PHACTR4: variants seen among roughly 807,000 people sequenced by gnomAD.
The protein encoded by PHACTR4 is protein phosphatase 1, regulatory subunit 124.
PHACTR4 carries 51 observed loss-of-function variants against 72.7 expected under a neutral mutation model. The ratio of observed to expected loss-of-function variants is 0.70; its 90% CI spans 0.56 to 0.89. PHACTR4 has a LOEUF of 0.89. PHACTR4 is among the 40% of genes least tolerant of loss of function. The pLI is 0.00. For synonymous variants in PHACTR4, 255 were observed against 302.5 expected (o/e 0.84, Z 1.63); for missense variants, 731 against 861.8 (o/e 0.85, Z 1.90).
chr1:28,448,064 T>G (rs1244446288), intron 2 of PHACTR4, among the ~76,000 whole-genome samples: 1 of 152,232 alleles, frequency 6.6e-6, no homozygotes, highest in Non-Finnish European at 1.5e-5. Context: ...ATGTTCTACG[T>G]TTACAATGTT....
At chr1:28,462,660 C>G (rs1315096160) in intron 4 of PHACTR4, among the ~76,000 whole-genome samples, 1 of 151,790 alleles carries the variant, frequency 6.6e-6, no homozygotes, top group East Asian at 1.9e-4. Context: ...GCCACCACGC[C>G]TGATGATCTT....
In PHACTR4 at chr1:28,426,859, A is replaced by C. The variant is rs988655092; in HGVS notation, c.16+19396A>C. ...CTGGACTGCACCTGGCCGTGGAAGA[A>C]TTCTGAGTGGGCTTTAAAAATCCTT... On this transcript the variant is annotated intron_variant, in intron 2 of 13. Coordinates refer to ENST00000373839, the MANE Select transcript of PHACTR4 (RefSeq NM_001048183.3). Among the ~76,000 whole-genome samples the C allele has an allele frequency of 4.6e-5, 7 of 152,224 alleles. No homozygotes were observed. In the East Asian group the frequency reaches 1.4e-3, roughly 29 times the overall value.
chr1:28,411,233 G>C (rs539600009), intron 2 of PHACTR4, among the ~76,000 whole-genome samples: 1 of 151,882 alleles, frequency 6.6e-6, no homozygotes, highest in African/African-American at 2.4e-5. Context: ...TTTTAATAGA[G>C]ACGGGATTTC....
chr1:28,415,865 G>A (rs1273994927), intron 2 of PHACTR4, among the ~76,000 whole-genome samples: 4 of 152,130 alleles, frequency 2.6e-5, no homozygotes, highest in Non-Finnish European at 4.4e-5. Context: ...TGTTAAGGTA[G>A]CAAATAGAAT....
rs534430869 is a variant in PHACTR4 at position 28,414,562 on chromosome 1, A to G, written c.16+7099A>G. Among the ~76,000 whole-genome samples, 4 of 151,560 alleles carry G rather than the reference A, an allele frequency of 2.6e-5. No homozygotes were observed. In the South Asian group the frequency reaches 8.4e-4, roughly 32 times the overall value. The stretch of plus-strand genomic sequence containing the variant: ...CTGACTAATTTTTTTACTTTTTGTA[A>G]AGATGCAGTCTCCCTATGTTGCCCA... On this transcript the variant is annotated intron_variant, in intron 2 of 13. Transcript: ENST00000373839.
At chr1:28,370,748 A>G (rs751970227) in intron 1 of PHACTR4, among the ~76,000 whole-genome samples, 1 of 152,186 alleles carries the variant, frequency 6.6e-6, no homozygotes, top group Non-Finnish European at 1.5e-5. Context: ...TTTATAGAGG[A>G]ACCAGAAACC....
At chr1:28,474,175 C>A in intron 7 of PHACTR4, 24 bp downstream of exon 7, 1 of 1,564,914 alleles carries the variant, frequency 6.4e-7, no homozygotes, top group South Asian at 1.2e-5. Context: ...AAGCTTGCCT[C>A]TTATTTCTCC....
chr1:28,499,850 G>C lies in PHACTR4; in HGVS notation c.*3301G>C, dbSNP rs538010149. 1 of 152,140 alleles carries C rather than the reference G, an allele frequency of 6.6e-6. No homozygotes were observed. Among genetic ancestry groups the C allele is most frequent in the Non-Finnish European group, 1.5e-5 (1 of 68,030 alleles). The allele number at this position is 152,140 out of a possible 1,614,324, so 9.4% of individuals were successfully genotyped here. On this transcript the variant is annotated 3_prime_UTR_variant, in exon 14 of 14. Transcript: ENST00000373839. ...ATTCCACTCAGTCTATTAGAGGTCT[G>C]GATATAAGGTAGCCACACAATAACT...
intron 2 of PHACTR4, among the ~76,000 whole-genome samples, chr1:28,450,007 G>A (rs1657822445): frequency 6.6e-6 from 1 of 152,062 alleles, no homozygotes. Flanking sequence ...TGATATGTGA[G>A]GTGCTACAAC....
chr1:28,478,307 G>A (rs1660050150), intron 8 of PHACTR4, among the ~76,000 whole-genome samples: 1 of 152,066 alleles, frequency 6.6e-6, no homozygotes, highest in Non-Finnish European at 1.5e-5. Flanking sequence ...TTTATTGATG[G>A]ACATTTAGTC....
intron 2 of PHACTR4, among the ~76,000 whole-genome samples, chr1:28,411,236 G>A (rs1216406041): frequency 1.3e-5 from 2 of 151,724 alleles, no homozygotes; most frequent in African/African-American, 2.4e-5. Flanking sequence ...TAATAGAGAC[G>A]GGATTTCGCC....
At position 28,466,364 on chromosome 1, in the gene PHACTR4, A is replaced by G. The variant is rs772872860; in HGVS notation, c.437-18A>G. The G allele has an allele frequency of 6.3e-7, 1 of 1,599,330 alleles. No individual in the cohort carries two copies. The highest frequency in any genetic ancestry group is 1.1e-5 in the South Asian group (1 of 90,274). ...TTACTCTCTCTTCCCTTTTTATACC[A>G]TACATGTTATTACACAGGCTCAACT... On this transcript the variant is annotated intron_variant, in intron 5 of 13. Transcript: ENST00000373839.
At chr1:28,408,806 G>C (rs1654557757) in intron 2 of PHACTR4, among the ~76,000 whole-genome samples, 1 of 151,028 alleles carries the variant, frequency 6.6e-6, no homozygotes, top group Non-Finnish European at 1.5e-5. Context: ...CTCCTGAGTA[G>C]CTGGGACTAT....
intron 2 of PHACTR4, among the ~76,000 whole-genome samples, chr1:28,423,169 C>G (rs549568684): frequency 2.1e-4 from 32 of 152,158 alleles, no homozygotes; most frequent in Non-Finnish European, 4.0e-4. Flanking sequence ...TCCCAGCACT[C>G]TGGGAGGCGG....
At chr1:28,426,735 T>G (rs1056784235) in intron 2 of PHACTR4, among the ~76,000 whole-genome samples, 9 of 151,816 alleles carry the variant, frequency 5.9e-5, no homozygotes, top group African/African-American at 1.7e-4. Context: ...TTTTTTTTTT[T>G]TAATAGAGAC....
chr1:28,422,895 T>G (rs966855842), intron 2 of PHACTR4, among the ~76,000 whole-genome samples: 1 of 152,176 alleles, frequency 6.6e-6, no homozygotes, highest in African/African-American at 2.4e-5. Flanking sequence ...CAAGCAATTC[T>G]CCTGCCTCAG....
At chr1:28,446,350 A>G (rs969079848) in intron 2 of PHACTR4, among the ~76,000 whole-genome samples, 2 of 152,216 alleles carry the variant, frequency 1.3e-5, no homozygotes, top group African/African-American at 4.8e-5. Context: ...ACCAGATCCC[A>G]TGTTAAATTG....
chr1:28,459,629 TG>T (rs1658659038), intron 3 of PHACTR4, among the ~76,000 whole-genome samples: 1 of 152,084 alleles, frequency 6.6e-6, no homozygotes, highest in Non-Finnish European at 1.5e-5. Context: ...CTTGAACTCC[TG>T]GGCTCAAGCG....
At chr1:28,451,932 G>A (rs72661781) in intron 2 of PHACTR4, among the ~76,000 whole-genome samples, 5,077 of 152,066 alleles carry the variant, frequency 0.033, 141 homozygotes, top group Middle Eastern at 0.11. Flanking sequence ...GAGCCACCAT[G>A]CCTGGCAAAT....
Sources: gnomAD v4.1 joint callset for allele counts (sites outside exome capture counted in the v4.1 genomes callset) on GRCh38, gnomAD v4.1.1 for gene constraint, MANE v1.5 for transcripts, NCBI Gene and HGNC (gene_info 2026-07-23, HGNC 2026-07-21) for gene names.